Variants in WWOX observed in about 807,000 individuals in gnomAD.
The protein encoded by WWOX is WW domain containing oxidoreductase, also known as WW domain-containing oxidoreductase.
Under a neutral mutation model 46.2 loss-of-function variants are expected in WWOX, and 69 were observed. That is an observed-to-expected ratio of 1.49 (90% CI 1.23 to 1.82). WWOX has a LOEUF of 1.82. Ranked by LOEUF, WWOX falls within the 40% of genes most tolerant of loss-of-function variation. The probability of loss-of-function intolerance (pLI) is 0.00; values close to 1 mark genes in which losing one functional copy is unlikely to be tolerated. For missense variants in WWOX, 919 were observed against 542.6 expected, an observed-to-expected ratio of 1.69 and a Z score of -6.89; for synonymous variants, 359 against 202.6, an observed-to-expected ratio of 1.77 and a Z score of -6.56.
intron 8 of WWOX, among the ~76,000 whole-genome samples, chr16:79,087,793 G>A (rs977758833): frequency 6.6e-6 from 1 of 152,126 alleles, no homozygotes; most frequent in African/African-American, 2.4e-5. Context: ...TCTTGGTTGC[G>A]AGGAAATCAC....
At chr16:79,019,678 G>C (rs117514727) in intron 8 of WWOX, among the ~76,000 whole-genome samples, 3 of 151,914 alleles carry the variant, frequency 2.0e-5, no homozygotes, top group Non-Finnish European at 4.4e-5. Context: ...CTCCAACCCC[G>C]GGCTCTCTAA....
intron 8 of WWOX, among the ~76,000 whole-genome samples, chr16:79,164,593 C>T (rs1291067546): frequency 6.6e-6 from 1 of 152,136 alleles, no homozygotes; most frequent in African/African-American, 2.4e-5. Flanking sequence ...TGGTGGAGAC[C>T]TCCGGCTGAC....
chr16:78,611,952 G>T (rs190044082), intron 8 of WWOX, among the ~76,000 whole-genome samples: 114 of 152,310 alleles, frequency 7.5e-4, no homozygotes, highest in African/African-American at 2.6e-3. Context: ...GGGTAGCAAA[G>T]AACAGAACAG....
intron 8 of WWOX, chr16:79,078,318 T>A (rs574558572): frequency 6.6e-6 from 1 of 152,244 alleles, no homozygotes; most frequent in African/African-American, 2.4e-5. Flanking sequence ...TGAGTTTGGG[T>A]TAGGGTTTTG....
rs975918854 is a variant in WWOX at position 78,730,003 on chromosome 16, C to G, written c.1056+297251C>G. On this transcript the variant is annotated intron_variant, in intron 8 of 8. Transcript: ENST00000566780. ...GAAGCTGCCACCTTGCAACATCATC[C>G]TTGTGTTACTTCCAGTTGTTTCTTA... Among the ~76,000 whole-genome samples the G allele has an allele frequency of 3.3e-5, 5 of 152,264 alleles. No individual in the cohort carries two copies. In the South Asian group the frequency reaches 6.2e-4, roughly 19 times the overall value.
At chr16:78,367,235 T>C (rs1321036687) in intron 5 of WWOX, among the ~76,000 whole-genome samples, 5 of 152,066 alleles carry the variant, frequency 3.3e-5, no homozygotes, top group Non-Finnish European at 7.4e-5. Flanking sequence ...TGCCTCGCCC[T>C]CCCAAAGTGC....
intron 8 of WWOX, among the ~76,000 whole-genome samples, chr16:78,870,452 T>A (rs1228256253): frequency 6.6e-6 from 1 of 152,124 alleles, no homozygotes; most frequent in African/African-American, 2.4e-5. Flanking sequence ...ATAACCGGAA[T>A]TGATACAATG....
At chr16:78,345,458 CAAAAAAAAAAAAA>C (rs71137889) in intron 5 of WWOX, among the ~76,000 whole-genome samples, 5 of 26,780 alleles carry the variant, frequency 1.9e-4, no homozygotes, top group Non-Finnish European at 5.3e-4. Context: ...CCATCGCTAC[CAAAAAAAAAAAAA>C]AAAAAAAAAA....
intron 8 of WWOX, among the ~76,000 whole-genome samples, chr16:78,950,531 C>CAT (rs1444715846): frequency 1.3e-5 from 1 of 78,544 alleles, no homozygotes; most frequent in Admixed American, 1.9e-4. Flanking sequence ...CACACACACA[C>CAT]ATACACACAC....
chr16:78,158,849 G>T (rs1385841555), intron 4 of WWOX, among the ~76,000 whole-genome samples: 1 of 152,118 alleles, frequency 6.6e-6, no homozygotes, highest in Non-Finnish European at 1.5e-5. Context: ...TACAATATGA[G>T]CACAGTACTA....
intron 5 of WWOX, among the ~76,000 whole-genome samples, chr16:78,240,236 C>A (rs1351292366): frequency 6.6e-6 from 1 of 151,858 alleles, no homozygotes; most frequent in African/African-American, 2.4e-5. Context: ...CCCAGCTACT[C>A]GGGAGGCTGC....
At chr16:78,158,460 TCCTC>T (rs2034677561) in intron 4 of WWOX, among the ~76,000 whole-genome samples, 1 of 152,032 alleles carries the variant, frequency 6.6e-6, no homozygotes, top group Non-Finnish European at 1.5e-5. Flanking sequence ...CTCTTCTTTT[TCCTC>T]CCTCCCTCCC....
chr16:78,727,045 G>A (rs368595217), intron 8 of WWOX, among the ~76,000 whole-genome samples: 3 of 152,248 alleles, frequency 2.0e-5, no homozygotes, highest in South Asian at 2.1e-4. Context: ...ATTCCAGCAC[G>A]TGGCATCGCC....
intron 8 of WWOX, among the ~76,000 whole-genome samples, chr16:78,578,292 T>A (rs1259260929): frequency 1.1e-3 from 65 of 61,710 alleles, no homozygotes; most frequent in South Asian, 3.2e-3. Flanking sequence ...ATATTTTTTT[T>A]TTTTTTTTTT....
chr16:78,103,311 G>A (rs1379949357), intron 1 of WWOX, among the ~76,000 whole-genome samples: 8 of 150,952 alleles, frequency 5.3e-5, no homozygotes, highest in Non-Finnish European at 1.5e-5. Flanking sequence ...AGGATGTGCA[G>A]GTTTGTTACA....
chr16:78,587,768 T>C (rs2151597676), intron 8 of WWOX, among the ~76,000 whole-genome samples: 1 of 152,330 alleles, frequency 6.6e-6, no homozygotes, highest in Admixed American at 6.5e-5. Context: ...CAGCTAATAC[T>C]GTCTTGATCT....
chr16:79,173,656 A>G (rs1176989561), intron 8 of WWOX, among the ~76,000 whole-genome samples: 1 of 151,790 alleles, frequency 6.6e-6, no homozygotes, highest in African/African-American at 2.4e-5. Context: ...AAAAAAACCC[A>G]CCTAGTGAAA....
intron 8 of WWOX, among the ~76,000 whole-genome samples, chr16:79,033,803 G>T (rs1281079970): frequency 1.3e-5 from 2 of 152,182 alleles, no homozygotes; most frequent in African/African-American, 4.8e-5. Context: ...CATATAAGTG[G>T]AATCACACAG....
At chr16:79,142,984 G>A (rs778873704) in intron 8 of WWOX, among the ~76,000 whole-genome samples, 9 of 152,134 alleles carry the variant, frequency 5.9e-5, no homozygotes, top group South Asian at 2.1e-4. Context: ...GATTACAGGC[G>A]TGAGCTACCA....
Sources: allele counts gnomAD v4.1 joint callset (sites outside exome capture counted in the v4.1 genomes callset), GRCh38; gene constraint gnomAD v4.1.1; transcripts MANE v1.5; gene names NCBI Gene and HGNC (gene_info 2026-07-23, HGNC 2026-07-21).